KIAA0586: variants seen among roughly 807,000 people sequenced by gnomAD.
KIAA0586 encodes the protein KIAA0586, also known as protein TALPID3.
Under a neutral mutation model 169.8 loss-of-function variants are expected in KIAA0586, and 144 were observed. That is an observed-to-expected ratio of 0.85 (90% confidence interval 0.74 to 0.97). KIAA0586 has a LOEUF of 0.97. KIAA0586 is among the 50% of genes least tolerant of loss of function. The pLI is 0.00. For missense variants in KIAA0586, 1,854 were observed against 1,823.0 expected (o/e 1.02, Z -0.31); for synonymous variants, 625 against 612.4 (o/e 1.02, Z -0.30).
At chr14:58,517,821 C>G (rs563515424) in intron 29 of KIAA0586, among the ~76,000 whole-genome samples, 2 of 152,248 alleles carry the variant, frequency 1.3e-5, no homozygotes, top group East Asian at 3.9e-4. Flanking sequence ...CTGATACACA[C>G]ACAACAGCAC....
intron 7 of KIAA0586, among the ~76,000 whole-genome samples, chr14:58,449,480 G>C (rs974212029): frequency 6.6e-6 from 1 of 152,200 alleles, no homozygotes; most frequent in African/African-American, 2.4e-5. Context: ...AGTGAGCTGT[G>C]ATCATGCAGC....
the KIAA0586 span, among the ~76,000 whole-genome samples, chr14:58,559,784 A>G: frequency 7.2e-5 from 11 of 152,056 alleles, no homozygotes; most frequent in Admixed American, 3.3e-4. Context: ...CTGCCTGTAA[A>G]CCTCTCATCA....
chr14:58,490,198 T>C lies in KIAA0586; in HGVS notation c.3816T>C (p.Leu1272=), dbSNP rs755315601. The C allele has an allele frequency of 5.2e-6, 8 of 1,540,974 alleles. No individual in the cohort carries two copies. Among genetic ancestry groups the C allele is most frequent in the Non-Finnish European group, 7.0e-6 (8 of 1,136,418 alleles). Residue 1272 remains leucine, a synonymous_variant, in exon 25 of 31, where the codon CTT becomes CTC. Transcript: ENST00000652326. ...LEDIGLYLTN[L]NDSLSSTLHD... ...ATATAGGACTGTACCTGACAAACCT[T>C]AATGATAGCTTATCCAGCACTCTGC...
chr14:58,468,036 CTT>C, intron 16 of KIAA0586, 114 bp downstream of exon 16: 2 of 631,902 alleles, frequency 3.2e-6, no homozygotes, highest in African/African-American at 1.9e-5. Context: ...GATCATGACT[CTT>C]TTTTTTAAAT....
intron 9 of KIAA0586, among the ~76,000 whole-genome samples, chr14:58,455,735 T>G (rs1482015809): frequency 6.6e-6 from 1 of 152,078 alleles, no homozygotes; most frequent in African/African-American, 2.4e-5. Context: ...TGCTAGAGCA[T>G]GCCTCCAGTG....
chr14:58,500,116 T>C (rs1022854220), intron 27 of KIAA0586, among the ~76,000 whole-genome samples: 1 of 152,246 alleles, frequency 6.6e-6, no homozygotes, highest in Non-Finnish European at 1.5e-5. Context: ...TGGACCATTG[T>C]TATATTCTGT....
intron 27 of KIAA0586, among the ~76,000 whole-genome samples, chr14:58,501,447 A>T (rs929053403): frequency 1.3e-5 from 2 of 152,210 alleles, no homozygotes; most frequent in Non-Finnish European, 2.9e-5. Context: ...ACTGCTAGGT[A>T]CTTAAGAGCT....
chr14:58,498,497 A>G (rs1184218066), intron 26 of KIAA0586, among the ~76,000 whole-genome samples: 2 of 152,134 alleles, frequency 1.3e-5, no homozygotes, highest in African/African-American at 4.8e-5. Flanking sequence ...TTAAATTGTA[A>G]TATAATTTTT....
chr14:58,461,259 C>A, intron 14 of KIAA0586, 99 bp downstream of exon 14: 1 of 802,870 alleles, frequency 1.2e-6, no homozygotes, highest in Non-Finnish European at 1.8e-6. Context: ...TTATACGTGC[C>A]ATTCAAGTTA....
intron 26 of KIAA0586, among the ~76,000 whole-genome samples, chr14:58,493,305 G>A (rs1232154527): frequency 6.6e-6 from 1 of 152,146 alleles, no homozygotes; most frequent in Non-Finnish European, 1.5e-5. Flanking sequence ...TGGCTTAGAA[G>A]TGCAGACAGA....
intron 26 of KIAA0586, among the ~76,000 whole-genome samples, chr14:58,497,008 T>C (rs1749002): frequency 0.98 from 148,622 of 150,998 alleles, 73,183 homozygotes; most frequent in East Asian, 1. Context: ...GAGTTTCGCT[T>C]TTGTTGCCCA....
At chr14:58,514,442 C>G (rs1222644045) in intron 29 of KIAA0586, among the ~76,000 whole-genome samples, 1 of 151,876 alleles carries the variant, frequency 6.6e-6, no homozygotes, top group Admixed American at 6.6e-5. Flanking sequence ...ACTAGAACCC[C>G]AAATTTTGGC....
chr14:58,469,018 CA>C (rs2040993227), intron 16 of KIAA0586, among the ~76,000 whole-genome samples: 1 of 152,122 alleles, frequency 6.6e-6, no homozygotes, highest in Admixed American at 6.6e-5. Context: ...CATGAACAGT[CA>C]ACAGGCTCTT....
At chr14:58,484,611 T>A (rs1188572313) in intron 21 of KIAA0586, among the ~76,000 whole-genome samples, 1 of 151,438 alleles carries the variant, frequency 6.6e-6, no homozygotes, top group Non-Finnish European at 1.5e-5. Flanking sequence ...TCATGATGAG[T>A]TATATATATA....
intron 7 of KIAA0586, among the ~76,000 whole-genome samples, chr14:58,448,922 C>T (rs1325145675): frequency 2.0e-5 from 3 of 152,114 alleles, no homozygotes; most frequent in Non-Finnish European, 4.4e-5. Context: ...GAGCAACTAC[C>T]TGAGTACATT....
At chr14:58,554,983 TA>T (rs1481134873), downstream of KIAA0586, among the ~76,000 whole-genome samples, 1 of 152,118 alleles carries the variant, frequency 6.6e-6, no homozygotes, top group East Asian at 1.9e-4. Context: ...ATAGGACTGT[TA>T]TGGTGAAATG....
At chr14:58,527,243 A>G (rs572199271) in intron 29 of KIAA0586, among the ~76,000 whole-genome samples, 3 of 152,190 alleles carry the variant, frequency 2.0e-5, no homozygotes, top group Non-Finnish European at 4.4e-5. Context: ...TGTACCTGAA[A>G]GTGACGGGGA....
At chr14:58,497,557 G>T (rs982057546) in intron 26 of KIAA0586, among the ~76,000 whole-genome samples, 14 of 151,320 alleles carry the variant, frequency 9.3e-5, no homozygotes, top group Non-Finnish European at 1.9e-4. Flanking sequence ...TAGAGACGGG[G>T]TTTCACCATA....
At chr14:58,484,890 T>TTATATATATATTTA (rs1566876700) in intron 21 of KIAA0586, among the ~76,000 whole-genome samples, 1 of 32,288 alleles carries the variant, frequency 3.1e-5, no homozygotes, top group African/African-American at 1.3e-4. Context: ...ATATATATAT[T>TTATATATATATTTA]TATATATATA....
Sources: gnomAD v4.1 joint callset for allele counts (sites outside exome capture counted in the v4.1 genomes callset) on GRCh38, gnomAD v4.1.1 for gene constraint, MANE v1.5 for transcripts, NCBI Gene and HGNC (gene_info 2026-07-23, HGNC 2026-07-21) for gene names.